Variants in PRKG1 observed in about 807,000 individuals in gnomAD.
PRKG1 encodes the protein cGMP-dependent protein kinase 1.
In PRKG1, 35 loss-of-function variants were observed where a neutral mutation model predicts 88.1. That is an observed-to-expected ratio of 0.40 (90% CI 0.30 to 0.53). The LOEUF (loss-of-function observed/expected upper bound fraction) is 0.53, where lower values mean the gene tolerates loss of function less well. PRKG1 is among the 20% of genes least tolerant of loss of function. The pLI, the probability that PRKG1 is intolerant of heterozygous loss-of-function variation, is 0.59. For synonymous variants in PRKG1, 303 were observed against 292.5 expected (o/e 1.04, Z -0.37); for missense variants, 540 against 839.8 (o/e 0.64, Z 4.41).
At chr10:52,213,526 C>T (rs142327476) in intron 9 of PRKG1, among the ~76,000 whole-genome samples, 1 of 152,302 alleles carries the variant, frequency 6.6e-6, no homozygotes, top group African/African-American at 2.4e-5. Flanking sequence ...TAGCTGGAAC[C>T]AGTTCAGACA....
chr10:51,173,841 A>G (rs891891598), intron 2 of PRKG1, among the ~76,000 whole-genome samples: 1 of 151,944 alleles, frequency 6.6e-6, no homozygotes. Context: ...AAAAAATTTG[A>G]AAGAACTGGA....
At chr10:51,909,233 G>C (rs527356428) in intron 5 of PRKG1, 1 of 152,334 alleles carries the variant, frequency 6.6e-6, no homozygotes, top group Admixed American at 6.5e-5. Context: ...AGGGAGAGAG[G>C]CTGGAGTAAA....
intron 7 of PRKG1, among the ~76,000 whole-genome samples, chr10:52,092,075 A>C (rs911177640): frequency 2.0e-5 from 3 of 152,138 alleles, no homozygotes; most frequent in African/African-American, 7.2e-5. Flanking sequence ...CTTAGTATTT[A>C]ACTTGTGGTT....
intron 1 of PRKG1, among the ~76,000 whole-genome samples, chr10:51,042,455 C>A (rs535742508): frequency 6.6e-6 from 1 of 152,282 alleles, no homozygotes; most frequent in East Asian, 1.9e-4. Context: ...TTTGGCCAAA[C>A]TGAGCTACTT....
intron 2 of PRKG1, among the ~76,000 whole-genome samples, chr10:51,221,742 G>A (rs1320490241): frequency 1.3e-5 from 2 of 151,438 alleles, no homozygotes; most frequent in Non-Finnish European, 2.9e-5. Context: ...CTTTTGATAA[G>A]ATAACAATGA....
chr10:52,146,934 A>G (rs571898507), intron 8 of PRKG1, among the ~76,000 whole-genome samples: 2 of 152,238 alleles, frequency 1.3e-5, no homozygotes, highest in Admixed American at 1.3e-4. Context: ...TTGAAACAAC[A>G]TGACTGGGGT....
chr10:51,104,668 G>A (rs554658887), intron 1 of PRKG1, among the ~76,000 whole-genome samples: 28 of 151,368 alleles, frequency 1.8e-4, no homozygotes, highest in African/African-American at 5.8e-4. Context: ...TACAGGGGGC[G>A]CTACCACACC....
At chr10:51,379,249 TGAAGAG>T (rs1008797300) in intron 2 of PRKG1, among the ~76,000 whole-genome samples, 1 of 152,174 alleles carries the variant, frequency 6.6e-6, no homozygotes, top group African/African-American at 2.4e-5. Flanking sequence ...ATAACAATAA[TGAAGAG>T]GAGGAGAAAA....
At chr10:51,336,659 A>G (rs539086576) in intron 2 of PRKG1, among the ~76,000 whole-genome samples, 20 of 152,324 alleles carry the variant, frequency 1.3e-4, no homozygotes, top group Admixed American at 4.6e-4. Context: ...AGATGGCATT[A>G]CTTCCAACAT....
chr10:51,988,516 T>C (rs1295101079), intron 5 of PRKG1, among the ~76,000 whole-genome samples: 2 of 152,086 alleles, frequency 1.3e-5, no homozygotes, highest in Non-Finnish European at 2.9e-5. Context: ...TTTTTCCACA[T>C]TATCACCAAC....
At chr10:51,686,017 C>G (rs938299271) in intron 3 of PRKG1, among the ~76,000 whole-genome samples, 1 of 152,076 alleles carries the variant, frequency 6.6e-6, no homozygotes, top group Non-Finnish European at 1.5e-5. Context: ...CCCATCAATC[C>G]CCTTCCTTCT....
chr10:51,267,186 C>G (rs2132169362), intron 2 of PRKG1, among the ~76,000 whole-genome samples: 1 of 152,156 alleles, frequency 6.6e-6, no homozygotes, highest in African/African-American at 2.4e-5. Context: ...CCAAAAACAA[C>G]ATGGGAAAGA....
At chr10:52,272,272 C>T (rs1589750284) in intron 11 of PRKG1, 120 bp from the exon 12 acceptor site, 2 of 672,998 alleles carry the variant, frequency 3.0e-6, no homozygotes, top group East Asian at 5.6e-5. Context: ...TTAGATCTCT[C>T]TCATTCTGAC....
chr10:51,896,426 A>T (rs1485113106), intron 4 of PRKG1, among the ~76,000 whole-genome samples: 1 of 151,884 alleles, frequency 6.6e-6, no homozygotes, highest in African/African-American at 2.4e-5. Context: ...AAAGAATCTG[A>T]GGCCTGGCAT....
rs1190944253 is a variant in PRKG1 at position 51,951,421 on chromosome 10, A to T, written c.762+43851A>T. ...GCCTGCCAGATGTTTTTCTCTTAAA[A>T]TTCTTAAGCTTAATACTGTTGCTAA... On this transcript the variant is annotated intron_variant, in intron 5 of 17. Coordinates refer to ENST00000373980, the MANE Select transcript of PRKG1 (RefSeq NM_006258.4). Among the ~76,000 whole-genome samples the T allele has an allele frequency of 2.6e-5, 4 of 152,210 alleles. No homozygotes were observed. In the East Asian group the frequency reaches 5.8e-4, roughly 22 times the overall value.
chr10:51,726,336 T>C lies in PRKG1; in HGVS notation c.593-78249T>C, dbSNP rs73343397. On this transcript the variant is annotated intron_variant, in intron 3 of 17. Coordinates refer to ENST00000373980, the MANE Select transcript of PRKG1 (RefSeq NM_006258.4). ...TATGCATTTTTGGCAAATTTGACTT[T>C]GCAAAAGAGTGTTATCACAATGTTG... Among the ~76,000 whole-genome samples the C allele has an allele frequency of 5.8e-3, 883 of 152,352 alleles. 7 individuals carry two copies. The highest frequency in any genetic ancestry group is 0.02 in the African/African-American group (835 of 41,580).
intron 3 of PRKG1, among the ~76,000 whole-genome samples, chr10:51,738,874 C>T (rs1368642051): frequency 6.6e-6 from 1 of 152,020 alleles, no homozygotes; most frequent in East Asian, 1.9e-4. Flanking sequence ...ATAATATTTC[C>T]TCTCTTTGTT....
At chr10:52,155,813 CAACTT>C (rs973162255) in intron 8 of PRKG1, among the ~76,000 whole-genome samples, 15 of 151,194 alleles carry the variant, frequency 9.9e-5, no homozygotes, top group African/African-American at 3.6e-4. Flanking sequence ...TAAGCCTAGT[CAACTT>C]AACAAGACCC....
At chr10:51,878,244 GAATATA>G (rs1395255253) in intron 4 of PRKG1, among the ~76,000 whole-genome samples, 7 of 70,680 alleles carry the variant, frequency 9.9e-5, no homozygotes, top group Admixed American at 6.7e-4. Flanking sequence ...ATATATGTGT[GAATATA>G]TGTGTGTGTG....
Sources: gnomAD v4.1 joint callset for allele counts (sites outside exome capture counted in the v4.1 genomes callset) on GRCh38, gnomAD v4.1.1 for gene constraint, MANE v1.5 for transcripts, NCBI Gene and HGNC (gene_info 2026-07-23, HGNC 2026-07-21) for gene names.